The following FMNL2 variants were observed in gnomAD, a reference collection of about 807,000 sequenced individuals.
FMNL2 encodes formin like 2, also known as formin-like protein 2.
A neutral mutation model predicts 130.2 loss-of-function variants in FMNL2; 51 were observed. The observed-to-expected ratio is 0.39, with a 90% CI of 0.31 to 0.49. The LOEUF is 0.49. Ranked by LOEUF, FMNL2 falls within the 20% of genes least tolerant of loss-of-function variation. FMNL2 has a pLI of 0.85. For synonymous variants in FMNL2, 465 were observed against 467.1 expected, an observed-to-expected ratio of 1.00 and a Z score of 0.06; for missense variants, 977 against 1,316.2, an observed-to-expected ratio of 0.74 and a Z score of 3.99.
chr2:152,492,925 A>G (rs1691295437), intron 1 of FMNL2, among the ~76,000 whole-genome samples: 1 of 152,064 alleles, frequency 6.6e-6, no homozygotes, highest in Non-Finnish European at 1.5e-5. Context: ...TTATTTCATT[A>G]CCTTTGTAGT....
At chr2:152,384,547 G>A (rs1684677235) in intron 1 of FMNL2, among the ~76,000 whole-genome samples, 1 of 152,172 alleles carries the variant, frequency 6.6e-6, no homozygotes, top group Non-Finnish European at 1.5e-5. Context: ...ATCAGTGATT[G>A]GTTTCCCAGG....
intron 1 of FMNL2, among the ~76,000 whole-genome samples, chr2:152,354,068 C>G (rs1163577746): frequency 2.0e-5 from 3 of 152,204 alleles, no homozygotes; most frequent in Admixed American, 2.0e-4. Flanking sequence ...TTTGTTCTTT[C>G]TAGAAAAAGA....
At chr2:152,502,349 A>G (rs759795844) in intron 1 of FMNL2, among the ~76,000 whole-genome samples, 9 of 152,222 alleles carry the variant, frequency 5.9e-5, no homozygotes, top group Non-Finnish European at 1.3e-4. Flanking sequence ...ACAATGGTCT[A>G]TGAGAGAAGA....
chr2:152,637,760 C>G lies in FMNL2; in HGVS notation c.2946+86C>G. 5.1e-6 allele frequency: 6 copies of G among 1,187,900 alleles called. No homozygotes were observed. In the South Asian group the frequency reaches 7.7e-5, roughly 15 times the overall value. 73.6% of individuals were successfully genotyped at this position (1,187,900 alleles called of 1,614,324 possible). ...CTGAGTCCCAACTCTCTGCAGAGGC[C>G]TCCCAGTTCCTGTGGACAGCAGATC... is the stretch of plus-strand genomic sequence containing the variant. On this transcript the variant is annotated intron_variant, in intron 23 of 25. Coordinates refer to ENST00000288670, the MANE Select transcript of FMNL2 (RefSeq NM_052905.4).
chr2:152,404,022 C>T (rs1685847933), intron 1 of FMNL2, among the ~76,000 whole-genome samples: 1 of 152,192 alleles, frequency 6.6e-6, no homozygotes, highest in Non-Finnish European at 1.5e-5. Context: ...GAGCCGAGAT[C>T]ACGCCACTGC....
At chr2:152,466,042 T>C (rs555300652) in intron 1 of FMNL2, among the ~76,000 whole-genome samples, 14 of 152,376 alleles carry the variant, frequency 9.2e-5, no homozygotes, top group African/African-American at 3.4e-4. Context: ...ATTTGAGGTC[T>C]AATCTTGATT....
intron 2 of FMNL2, among the ~76,000 whole-genome samples, chr2:152,537,788 C>G (rs1052067090): frequency 1.3e-5 from 2 of 152,180 alleles, no homozygotes; most frequent in Non-Finnish European, 1.5e-5. Flanking sequence ...TCAAGATGAG[C>G]ATGCTTATTA....
At chr2:152,375,404 T>A (rs576034983) in intron 1 of FMNL2, among the ~76,000 whole-genome samples, 1 of 152,352 alleles carries the variant, frequency 6.6e-6, no homozygotes, top group African/African-American at 2.4e-5. Flanking sequence ...GAGGATTAAG[T>A]TACATAAGAT....
chr2:152,418,382 T>C (rs1198882804), intron 1 of FMNL2, among the ~76,000 whole-genome samples: 1 of 152,198 alleles, frequency 6.6e-6, no homozygotes, highest in Non-Finnish European at 1.5e-5. Flanking sequence ...GGTGGTGCAA[T>C]GATCTTCACC....
chr2:152,406,439 C>T (rs1685987470), intron 1 of FMNL2, among the ~76,000 whole-genome samples: 1 of 152,090 alleles, frequency 6.6e-6, no homozygotes, highest in Non-Finnish European at 1.5e-5. Flanking sequence ...TGTGTGGGAG[C>T]TAAGGCCCAT....
At chr2:152,570,523 G>A (rs1440240642) in intron 6 of FMNL2, among the ~76,000 whole-genome samples, 1 of 152,092 alleles carries the variant, frequency 6.6e-6, no homozygotes, top group Non-Finnish European at 1.5e-5. Context: ...AAGCATCCAG[G>A]GCCCCAAAGG....
chr2:152,522,206 T>C (rs1693133128), intron 2 of FMNL2, among the ~76,000 whole-genome samples, 180 bp downstream of exon 2: 2 of 151,884 alleles, frequency 1.3e-5, no homozygotes, highest in Admixed American at 6.6e-5. Context: ...CTTCTTTGGA[T>C]CCCAGTTTGA....
chr2:152,375,877 C>CTCTCTCTCTCTCTCTCTCTATATA (rs796954245), intron 1 of FMNL2, among the ~76,000 whole-genome samples: 1 of 112,482 alleles, frequency 8.9e-6, no homozygotes, highest in African/African-American at 3.5e-5. Context: ...CTCTCTCTCT[C>CTCTCTCTCTCTCTCTCTCTATATA]TATATATATA....
At chr2:152,542,663 G>T in intron 2 of FMNL2, 76 bp from the exon 3 acceptor site, 1 of 1,449,122 alleles carries the variant, frequency 6.9e-7, no homozygotes, top group Non-Finnish European at 9.7e-7. Context: ...GTCATATTTT[G>T]GTAACATAAT....
chr2:152,399,310 G>T (rs1030066739), intron 1 of FMNL2, among the ~76,000 whole-genome samples: 2 of 152,222 alleles, frequency 1.3e-5, no homozygotes, highest in Non-Finnish European at 2.9e-5. Context: ...GGCAGCACAG[G>T]ATGAGGGAGG....
intron 1 of FMNL2, among the ~76,000 whole-genome samples, chr2:152,514,632 C>A (rs536304493): frequency 2.0e-5 from 3 of 151,962 alleles, no homozygotes; most frequent in Non-Finnish European, 4.4e-5. Context: ...ATTGTTTTTC[C>A]TACATATACA....
intron 1 of FMNL2, among the ~76,000 whole-genome samples, chr2:152,406,376 A>G (rs1272623266): frequency 1.4e-5 from 2 of 141,332 alleles, no homozygotes; most frequent in East Asian, 2.1e-4. Flanking sequence ...TTAGGTTACA[A>G]TTGGTGTTAA....
intron 1 of FMNL2, among the ~76,000 whole-genome samples, chr2:152,473,930 A>G (rs1465191925): frequency 6.6e-6 from 1 of 152,218 alleles, no homozygotes; most frequent in Non-Finnish European, 1.5e-5. Flanking sequence ...GCTGGAGTGC[A>G]GTGACGCAAT....
chr2:152,567,092 G>A, intron 6 of FMNL2, among the ~76,000 whole-genome samples: 1 of 152,112 alleles, frequency 6.6e-6, no homozygotes, highest in East Asian at 1.9e-4. Flanking sequence ...GGATAATATG[G>A]GAAGAACATA....
Sources: gnomAD v4.1 joint callset for allele counts (sites outside exome capture counted in the v4.1 genomes callset) on GRCh38, gnomAD v4.1.1 for gene constraint, MANE v1.5 for transcripts, NCBI Gene and HGNC (gene_info 2026-07-23, HGNC 2026-07-21) for gene names.